The following KAT7 variants were observed in gnomAD, a reference collection of about 807,000 sequenced individuals.
The protein encoded by KAT7 is histone acetyltransferase KAT7.
Under a neutral mutation model 82.1 loss-of-function variants are expected in KAT7, and 10 were observed. The ratio of observed to expected loss-of-function variants is 0.12; its 90% CI spans 0.08 to 0.21. The LOEUF (loss-of-function observed/expected upper bound fraction) is 0.21, where lower values mean the gene tolerates loss of function less well. Among genes scored for constraint, KAT7 ranks in the 10% least tolerant of loss-of-function variants. The probability of loss-of-function intolerance (pLI) is 1.00; values close to 1 mark genes in which losing one functional copy is unlikely to be tolerated. For synonymous variants in KAT7, 250 were observed against 262.5 expected (o/e 0.95, Z 0.46); for missense variants, 378 against 760.9 (o/e 0.50, Z 5.92).
intron 7 of KAT7, 169 bp from the exon 8 acceptor site, chr17:49,815,634 G>A (rs1249303254): frequency 4.2e-6 from 2 of 476,204 alleles, no homozygotes; most frequent in Admixed American, 3.5e-5. Context: ...GAGTCTTGTG[G>A]CATTAACCTG....
chr17:49,798,147 G>A (rs1171520004), intron 3 of KAT7, among the ~76,000 whole-genome samples, 172 bp from the exon 4 acceptor site: 1 of 152,176 alleles, frequency 6.6e-6, no homozygotes, highest in Non-Finnish European at 1.5e-5. Context: ...TGCACAAAAT[G>A]GATGGTGTAG....
chr17:49,794,869 G>T (rs1320795290), intron 2 of KAT7, among the ~76,000 whole-genome samples: 1 of 152,152 alleles, frequency 6.6e-6, no homozygotes. Context: ...CCTCCCTAGA[G>T]CACAAGGTAG....
chr17:49,813,375 T>C (rs1385373852), intron 7 of KAT7, among the ~76,000 whole-genome samples: 1 of 152,208 alleles, frequency 6.6e-6, no homozygotes, highest in African/African-American at 2.4e-5. Context: ...TTATGGCTGC[T>C]CTTTTAGATT....
intron 5 of KAT7, among the ~76,000 whole-genome samples, chr17:49,808,696 C>T (rs1439040297): frequency 6.6e-6 from 1 of 152,178 alleles, no homozygotes; most frequent in African/African-American, 2.4e-5. Flanking sequence ...AGCTAATCTG[C>T]CCGCCTCAGC....
intron 1 of KAT7, among the ~76,000 whole-genome samples, chr17:49,791,174 T>C (rs1468848574): frequency 6.6e-6 from 1 of 152,206 alleles, no homozygotes; most frequent in Non-Finnish European, 1.5e-5. Flanking sequence ...AGAGTTGTGG[T>C]CCATGATATT....
At chr17:49,821,302 T>G in intron 9 of KAT7, 35 bp from the exon 10 acceptor site, 1 of 1,534,694 alleles carries the variant, frequency 6.5e-7, no homozygotes, top group Non-Finnish European at 9.0e-7. Context: ...GTTGGGAGGC[T>G]TTGGTTCCCT....
At chr17:49,814,054 G>A (rs189549889) in intron 7 of KAT7, among the ~76,000 whole-genome samples, 1 of 152,128 alleles carries the variant, frequency 6.6e-6, no homozygotes, top group Non-Finnish European at 1.5e-5. Flanking sequence ...ACCACACCCA[G>A]CTGATTTTTG....
At chr17:49,809,310 G>T in intron 6 of KAT7, 102 bp downstream of exon 6, 1 of 779,386 alleles carries the variant, frequency 1.3e-6, no homozygotes, top group Non-Finnish European at 2.1e-6. Flanking sequence ...ATTTCCTGTG[G>T]TATATCTTCC....
chr17:49,801,475 T>C (rs2074023809), intron 4 of KAT7, among the ~76,000 whole-genome samples: 2 of 152,126 alleles, frequency 1.3e-5, no homozygotes, highest in Admixed American at 6.5e-5. Flanking sequence ...TTGAAAAATA[T>C]GAACCCGAGC....
chr17:49,804,694 G>T (rs2074069714), intron 4 of KAT7, among the ~76,000 whole-genome samples: 1 of 152,138 alleles, frequency 6.6e-6, no homozygotes, highest in Non-Finnish European at 1.5e-5. Flanking sequence ...GATCACTTGA[G>T]CCCAGGAGTT....
intron 4 of KAT7, among the ~76,000 whole-genome samples, chr17:49,801,488 C>T (rs915125532): frequency 6.6e-6 from 1 of 152,058 alleles, no homozygotes. Context: ...ACCCGAGCTT[C>T]CAAAGTATCC....
rs768145602 is a variant in KAT7 at position 49,817,951 on chromosome 17, C to G, written c.1095C>G (p.Leu365=). 27 of 1,613,690 alleles carry G rather than the reference C, an allele frequency of 1.7e-5. No individual in the cohort carries two copies. Among genetic ancestry groups the G allele is most frequent in the Non-Finnish European group, 2.1e-5 (25 of 1,179,748 alleles). Residue 365 remains leucine, a synonymous_variant, in exon 9 of 15, where the codon CTC becomes CTG. Coordinates refer to ENST00000259021, the MANE Select transcript of KAT7 (RefSeq NM_007067.5). The part of the protein sequence containing the change: ...YPEEYARLGR[L]YMCEFCLKYM... ...AAGAATATGCACGGCTGGGACGTCT[C>G]TATATGTGTGAATTCTGTTTAAAAT...
Position 49,827,660 on chromosome 17 carries a change from A to C in KAT7, c.*158A>C. The stretch of plus-strand genomic sequence containing the variant: ...TGTCCTGGCTCCGACCTTTGTGTAC[A>C]CTGCAGACGCTGGTTCTGAGGAACT... On this transcript the variant is annotated 3_prime_UTR_variant, in exon 15 of 15. Coordinates refer to ENST00000259021, the MANE Select transcript of KAT7 (RefSeq NM_007067.5). 1.6e-6 allele frequency: 1 copy of C among 612,146 alleles called. No individual in the cohort carries two copies. The highest frequency in any genetic ancestry group is 2.8e-5 in the Admixed American group (1 of 35,178). 37.9% of individuals were successfully genotyped at this position (612,146 alleles called of 1,614,324 possible).
chr17:49,789,604 C>T (rs1182398587), intron 1 of KAT7: 2 of 152,200 alleles, frequency 1.3e-5, no homozygotes, highest in Admixed American at 1.3e-4. Flanking sequence ...CATGGAGTGC[C>T]GCAAGCCACT....
At chr17:49,815,582 G>A in intron 7 of KAT7, 1 of 415,278 alleles carries the variant, frequency 2.4e-6, no homozygotes, top group Non-Finnish European at 4.3e-6. Flanking sequence ...TTCTGGAGCT[G>A]TGGGAGCATT....
In KAT7 at chr17:49,788,703, A is replaced by T; in HGVS notation, c.-132A>T. On this transcript the variant is annotated 5_prime_UTR_variant, in exon 1 of 15. Coordinates refer to ENST00000259021, the MANE Select transcript of KAT7 (RefSeq NM_007067.5). ...TGCGCAGAACGCTCCAGACGCTGAG[A>T]GGCAGGAGGCACTAGGGATCGTCCG... The T allele has an allele frequency of 2.1e-6, 2 of 959,282 alleles. No homozygotes were observed. The highest frequency in any genetic ancestry group is 3.0e-6 in the Non-Finnish European group (2 of 667,808). The allele number at this position is 959,282 out of a possible 1,614,324, so 59.4% of individuals were successfully genotyped here.
intron 5 of KAT7, among the ~76,000 whole-genome samples, chr17:49,806,312 C>A (rs1263041284): frequency 6.6e-6 from 1 of 152,104 alleles, no homozygotes; most frequent in Admixed American, 6.5e-5. Context: ...ACAGGTAGAC[C>A]GCAGGGGTGA....
In KAT7 at chr17:49,831,367, G is replaced by A. The variant is rs1237788154; in HGVS notation, c.*3865G>A. 1.3e-5 allele frequency: 2 copies of A among 152,202 alleles called. No individual in the cohort carries two copies. The highest frequency in any genetic ancestry group is 2.9e-5 in the Non-Finnish European group (2 of 68,046). 9.4% of individuals were successfully genotyped at this position (152,202 alleles called of 1,614,324 possible). Reference sequence around the variant, plus strand: ...AGCTAAACCAGGAAGCAAAAGATGTGCCTCATTCTGGCATTGTTTCTGATT... The same window carrying A: ...AGCTAAACCAGGAAGCAAAAGATGTACCTCATTCTGGCATTGTTTCTGATT... On this transcript the variant is annotated 3_prime_UTR_variant, in exon 15 of 15. Transcript: ENST00000259021.
In KAT7 at chr17:49,811,482, A is replaced by G. The variant is rs781488897; in HGVS notation, c.760A>G (p.Thr254Ala). 5.3e-6 allele frequency: 8 copies of G among 1,504,112 alleles called. No individual in the cohort carries two copies. Among genetic ancestry groups the G allele is most frequent in the African/African-American group, 1.4e-5 (1 of 70,380 alleles). The allele number at this position is 1,504,112 out of a possible 1,614,324, so 93.2% of individuals were successfully genotyped here. Residue 254 changes from threonine (T) to alanine (A), a missense_variant, in exon 7 of 15, where the codon ACG (threonine) becomes GCG (alanine). Physicochemically the swap from Thr to Ala is moderately conservative, Grantham distance 58. Coordinates refer to ENST00000259021, the MANE Select transcript of KAT7 (RefSeq NM_007067.5). ...NRHATRHQAP[T>A]ERQLRYKEKV... is the part of the protein sequence containing the mutation. ...TTCTCCTTTTTCCTTTTAGGCACCA[A>G]CGGAGAGACAGCTTCGATATAAGGA...
Sources: gnomAD v4.1 joint callset for allele counts (sites outside exome capture counted in the v4.1 genomes callset) on GRCh38, gnomAD v4.1.1 for gene constraint, MANE v1.5 for transcripts, NCBI Gene and HGNC (gene_info 2026-07-23, HGNC 2026-07-21) for gene names.